The following HEYL variants were observed in gnomAD, a reference collection of about 807,000 sequenced individuals.
HEYL encodes hairy/enhancer-of-split related with YRPW motif-like protein.
A neutral mutation model predicts 18.6 loss-of-function variants in HEYL; 12 were observed. The ratio of observed to expected loss-of-function variants is 0.65; its 90% CI spans 0.41 to 1.05. The LOEUF is 1.05. Among genes scored for constraint, HEYL ranks in the 50% least tolerant of loss-of-function variants. The probability of loss-of-function intolerance (pLI) is 0.00; values close to 1 mark genes in which losing one functional copy is unlikely to be tolerated. For missense variants in HEYL, 420 were observed against 444.7 expected, an observed-to-expected ratio of 0.94 and a Z score of 0.50; for synonymous variants, 159 against 179.6, an observed-to-expected ratio of 0.89 and a Z score of 0.91.
At chr1:39,635,345 TC>T (rs1469349050) in intron 1 of HEYL, among the ~76,000 whole-genome samples, 7 of 152,086 alleles carry the variant, frequency 4.6e-5, no homozygotes, top group Non-Finnish European at 8.8e-5. Context: ...CGGCCTTTGT[TC>T]CCCCCAGCTT....
In HEYL at chr1:39,626,555, C is replaced by A; in HGVS notation, c.939G>T (p.Met313Ile). Residue 313 changes from methionine to isoleucine, a missense_variant, in exon 5 of 5, where the codon ATG becomes ATT. Transcript: ENST00000372852. ...TTTCAGAGACCCAGGAGTGGTAGAGCATGGCTCCCGCTGGCCTCCCAGCTG... is the reference window on the plus strand; with the variant it reads ...TTTCAGAGACCCAGGAGTGGTAGAGAATGGCTCCCGCTGGCCTCCCAGCTG... ...PGPAGRPAGA[M>I]LYHSWVSEIT... 6.5e-7 allele frequency: 1 copy of A among 1,549,310 alleles called. No homozygotes were observed. Among genetic ancestry groups the A allele is most frequent in the South Asian group, 1.2e-5 (1 of 83,302 alleles).
Position 39,626,219 on chromosome 1 carries a change from G to A in HEYL, c.*288C>T, listed in dbSNP as rs1296127142. ...CTGCTGGTGTGCAGAGGGCAGGAGA[G>A]GGGTCTGGGCGGATCTCTGAGGGTC... On this transcript the variant is annotated 3_prime_UTR_variant, in exon 5 of 5. Coordinates refer to ENST00000372852, the MANE Select transcript of HEYL (RefSeq NM_014571.4). 2.9e-6 allele frequency: 1 copy of A among 348,536 alleles called. No homozygotes were observed. Among genetic ancestry groups the A allele is most frequent in the East Asian group, 4.6e-5 (1 of 21,848 alleles). The allele number at this position is 348,536 out of a possible 1,614,324, so 21.6% of individuals were successfully genotyped here. A position where few individuals can be genotyped will look rare whatever the true frequency, so the allele number is the denominator to read the frequency against.
intron 3 of HEYL, 101 bp from the exon 4 acceptor site, chr1:39,630,409 T>C: frequency 6.7e-6 from 6 of 901,076 alleles, no homozygotes; most frequent in Non-Finnish European, 1.1e-5. Context: ...TTCCTCCCAC[T>C]CCACTGCTGC....
At position 39,624,206 on chromosome 1, in the gene HEYL, T is replaced by C. The variant is rs1275516881; in HGVS notation, c.*2301A>G. On this transcript the variant is annotated 3_prime_UTR_variant, in exon 5 of 5. Transcript: ENST00000372852. The stretch of plus-strand genomic sequence containing the variant: ...TGGATGTCCGCAACAACCCATGCAA[T>C]GGGGTAGGAGTTGGAGACACCAGGA... 1 of 152,140 alleles carries C rather than the reference T, an allele frequency of 6.6e-6. No homozygotes were observed. Among genetic ancestry groups the C allele is most frequent in the Non-Finnish European group, 1.5e-5 (1 of 68,034 alleles). 9.4% of individuals were successfully genotyped at this position (152,140 alleles called of 1,614,324 possible).
chr1:39,630,965 G>A (rs1401043947), intron 3 of HEYL, among the ~76,000 whole-genome samples: 1 of 152,224 alleles, frequency 6.6e-6, no homozygotes, highest in Non-Finnish European at 1.5e-5. Context: ...CATAAAGGAA[G>A]GCAGAGGACC....
rs1646306256 is a variant in HEYL, at chr1:39,627,249, C to CT, written c.314-70dup. ...AAGCATGGAGCCTGGGTCTGACTGTCTGAGTTCTGGACCTGCCTCCTCCAC... is the reference window on the plus strand; with the variant it reads ...AAGCATGGAGCCTGGGTCTGACTGTCTTGAGTTCTGGACCTGCCTCCTCCAC... On this transcript the variant is annotated intron_variant, in intron 4 of 4. Transcript: ENST00000372852. 3.5e-6 allele frequency: 5 copies of CT among 1,432,296 alleles called. No individual in the cohort carries two copies. In the East Asian group the frequency reaches 1.2e-4, roughly 35 times the overall value. 88.7% of individuals were successfully genotyped at this position (1,432,296 alleles called of 1,614,324 possible). A position where few individuals can be genotyped will look rare whatever the true frequency, so the allele number is the denominator to read the frequency against.
At chr1:39,630,337 G>C (rs1646325800) in intron 3 of HEYL, 29 bp from the exon 4 acceptor site, 2 of 1,559,854 alleles carry the variant, frequency 1.3e-6, no homozygotes, top group African/African-American at 2.7e-5. Context: ...GAAGGGTGGA[G>C]CCTGCAGCTG....
intron 3 of HEYL, 108 bp from the exon 4 acceptor site, chr1:39,630,416 C>A: frequency 1.2e-6 from 1 of 868,248 alleles, no homozygotes; most frequent in Non-Finnish European, 2.0e-6. Context: ...CACTCCACTG[C>A]TGCCTGCAAA....
At chr1:39,637,782 T>C (rs1183251749) in intron 1 of HEYL, among the ~76,000 whole-genome samples, 1 of 152,228 alleles carries the variant, frequency 6.6e-6, no homozygotes, top group Non-Finnish European at 1.5e-5. Context: ...GATGCTACTA[T>C]CTTCAAGAAG....
At chr1:39,634,815 CT>C (rs1288234097) in intron 1 of HEYL, among the ~76,000 whole-genome samples, 16 of 152,242 alleles carry the variant, frequency 1.1e-4, no homozygotes, top group African/African-American at 2.2e-4. Context: ...TGAACCATGT[CT>C]GTTACATTCA....
At chr1:39,639,250 A>G (rs1646374953) in intron 1 of HEYL, among the ~76,000 whole-genome samples, 1 of 152,064 alleles carries the variant, frequency 6.6e-6, no homozygotes. Context: ...GGCCTCCCCT[A>G]GGCCACTTCA....
chr1:39,637,328 C>G (rs1646366305), intron 1 of HEYL, among the ~76,000 whole-genome samples: 1 of 152,240 alleles, frequency 6.6e-6, no homozygotes, highest in African/African-American at 2.4e-5. Flanking sequence ...GCTCTTTACT[C>G]TCACGTTTCT....
At chr1:39,637,466 C>A (rs1646366989) in intron 1 of HEYL, among the ~76,000 whole-genome samples, 2 of 152,220 alleles carry the variant, frequency 1.3e-5, no homozygotes, top group South Asian at 4.1e-4. Context: ...TCCCTGAGGG[C>A]AGAGGCTGAG....
intron 4 of HEYL, among the ~76,000 whole-genome samples, chr1:39,628,139 T>C (rs1646310978): frequency 6.6e-6 from 1 of 152,238 alleles, no homozygotes; most frequent in Admixed American, 6.5e-5. Context: ...CCTTGGTTCA[T>C]GGCCCCCACA....
rs932395269 is a variant in HEYL, at chr1:39,631,911, G to A, written c.148-332C>T. Among the ~76,000 whole-genome samples the A allele has an allele frequency of 1.1e-4, 16 of 152,348 alleles. No individual in the cohort carries two copies. In the East Asian group the frequency reaches 1.7e-3, roughly 17 times the overall value. On this transcript the variant is annotated intron_variant, in intron 2 of 4. Transcript: ENST00000372852. ...GTGCTGGAGCAGGCCCTGGAGGCCC[G>A]TGCTGGGCCAGGAGGGTGACCCCGT...
rs201686052 is a variant in HEYL at position 39,629,333 on chromosome 1, A to AT, written c.313+893dup. 9.7e-3 allele frequency among the ~76,000 whole-genome samples: 1,481 copies of AT among 152,082 alleles called. 78 individuals carry two copies. The highest frequency in any genetic ancestry group is 0.082 in the Admixed American group (1,255 of 15,272). On this transcript the variant is annotated intron_variant, in intron 4 of 4. Transcript: ENST00000372852. ...TGGAAGTCTCCACTCTTAGCAATGC[A>AT]TTTTTTTTGGCAGAAGTTCCCAAAT... is the stretch of plus-strand genomic sequence containing the variant.
rs749644621 is a variant in HEYL, at chr1:39,626,657, G to A, written c.837C>T (p.Ser279=). ...CTGTAGGACCAGGGGGTGTTGGGGA[G>A]GAAGACTGCAGGAGGGGAGCGATGT... The part of the protein sequence containing the change: ...SSHIAPLLQS[S]SPTPPGPTGS... Residue 279 remains serine, a synonymous_variant, in exon 5 of 5, where the codon TCC becomes TCT. Transcript: ENST00000372852. 370 of 1,530,368 alleles carry A rather than the reference G, an allele frequency of 2.4e-4. No homozygotes were observed. Among genetic ancestry groups the A allele is most frequent in the Non-Finnish European group, 3.2e-4 (364 of 1,139,888 alleles). The allele number at this position is 1,530,368 out of a possible 1,614,324, so 94.8% of individuals were successfully genotyped here. A position where few individuals can be genotyped will look rare whatever the true frequency, so the allele number is the denominator to read the frequency against.
chr1:39,627,172 C>G lies in HEYL; in HGVS notation c.322G>C (p.Asp108His), dbSNP rs780806225. ...AAGTCAACTGCCAGGGCTCGGGCAT[C>G]AAAGAATCCTGCAAAGGGAGGCGTG... is the stretch of plus-strand genomic sequence containing the variant. ...LHATGGTGFF[D>H]ARALAVDFRS... Residue 108 changes from aspartate (D) to histidine (H), a missense_variant, in exon 5 of 5, where the codon GAT becomes CAT. Coordinates refer to ENST00000372852, the MANE Select transcript of HEYL (RefSeq NM_014571.4). 9.3e-5 allele frequency: 150 copies of G among 1,610,984 alleles called. No individual in the cohort carries two copies. Among genetic ancestry groups the G allele is most frequent in the Non-Finnish European group, 1.2e-4 (147 of 1,177,676 alleles).
rs12022423 is a variant in HEYL at position 39,623,698 on chromosome 1, G to A, written c.*2809C>T. On this transcript the variant is annotated 3_prime_UTR_variant, in exon 5 of 5. Coordinates refer to ENST00000372852, the MANE Select transcript of HEYL (RefSeq NM_014571.4). ...AGGAAGGCCTCTTGGACGAGGCAAC[G>A]TTGAAGCCAAGGCCTGAGGGTCTGC... Among the ~76,000 whole-genome samples the A allele has an allele frequency of 3.9e-5, 6 of 152,224 alleles. No homozygotes were observed. The highest frequency in any genetic ancestry group is 2.4e-5 in the African/African-American group (1 of 41,470).
Sources: gnomAD v4.1 joint callset for allele counts (sites outside exome capture counted in the v4.1 genomes callset) on GRCh38, gnomAD v4.1.1 for gene constraint, MANE v1.5 for transcripts, NCBI Gene and HGNC (gene_info 2026-07-23, HGNC 2026-07-21) for gene names.